The following B4GALNT3 variants were observed in gnomAD, a reference collection of about 807,000 sequenced individuals.
B4GALNT3 encodes the protein beta-1,4-N-acetylgalactosaminyltransferase 3.
B4GALNT3 carries 86 observed loss-of-function variants against 120.2 expected under a neutral mutation model. The ratio of observed to expected loss-of-function variants is 0.72; its 90% CI spans 0.60 to 0.86. The LOEUF (loss-of-function observed/expected upper bound fraction) is 0.86, where lower values mean the gene tolerates loss of function less well. B4GALNT3 is among the 40% of genes least tolerant of loss of function. The pLI, the probability that B4GALNT3 is intolerant of heterozygous loss-of-function variation, is 0.00. For synonymous variants in B4GALNT3, 518 were observed against 510.4 expected (o/e 1.01, Z -0.20); for missense variants, 1,167 against 1,298.9 (o/e 0.90, Z 1.56).
intron 1 of B4GALNT3, among the ~76,000 whole-genome samples, chr12:475,557 G>A (rs908903602): frequency 3.3e-5 from 5 of 152,040 alleles, no homozygotes; most frequent in African/African-American, 4.8e-5. Context: ...GGGCTCTGCC[G>A]CGCCTCCTCT....
chr12:500,995 T>TA (rs1946437130), intron 1 of B4GALNT3, among the ~76,000 whole-genome samples: 1 of 149,412 alleles, frequency 6.7e-6, no homozygotes, highest in Non-Finnish European at 1.5e-5. Flanking sequence ...AGCCTCAGCC[T>TA]CCTGCGTAGC....
chr12:556,777 T>G lies in B4GALNT3; in HGVS notation c.2291T>G (p.Val764Gly). The G allele has an allele frequency of 3.7e-6, 6 of 1,613,762 alleles. No homozygotes were observed. Among genetic ancestry groups the G allele is most frequent in the Non-Finnish European group, 5.1e-6 (6 of 1,180,006 alleles). Residue 764 changes from valine (V) to glycine (G), a missense_variant, in exon 15 of 20, where the codon GTC (valine) becomes GGC (glycine). Around this residue, in one of 3 missense-constraint regions of B4GALNT3, gnomAD observed 983 missense variants for 1,102.5 expected, o/e 0.89. Coordinates refer to ENST00000266383, the MANE Select transcript of B4GALNT3 (RefSeq NM_173593.4). ...VWDPHNRRRQ[V>G]LNTRAQEPKL... ...GACCCACACAACCGTAGGAGACAGG[T>G]CCTGAATACCCGGGCCCAAGAGCCC...
chr12:490,817 C>T (rs896876986), intron 1 of B4GALNT3, among the ~76,000 whole-genome samples: 2 of 151,904 alleles, frequency 1.3e-5, no homozygotes, highest in African/African-American at 4.8e-5. Flanking sequence ...CACAATCTGC[C>T]AAAACTCACA....
chr12:503,992 G>A (rs1380100071), intron 1 of B4GALNT3, among the ~76,000 whole-genome samples: 1 of 152,052 alleles, frequency 6.6e-6, no homozygotes, highest in African/African-American at 2.4e-5. Flanking sequence ...GCACGCGCCT[G>A]TAGTCCCAGC....
Position 551,439 on chromosome 12 carries a change from AG to A in B4GALNT3, c.1107+412del, listed in dbSNP as rs1947082060. On this transcript the variant is annotated intron_variant, in intron 11 of 19. Transcript: ENST00000266383. ...GGCACTGGGGGAAAAAGAGCTATGGAGGGGAAGTTAGCTTTAAAGAACCCAG... is the reference window on the plus strand; with the variant it reads ...GGCACTGGGGGAAAAAGAGCTATGGAGGGAAGTTAGCTTTAAAGAACCCAG... Among the ~76,000 whole-genome samples, 3 of 152,212 alleles carry A rather than the reference AG, an allele frequency of 2.0e-5. No homozygotes were observed. The South Asian group carries it at 6.2e-4, about 32-fold the overall frequency.
At chr12:488,085 T>C (rs1946307583) in intron 1 of B4GALNT3, among the ~76,000 whole-genome samples, 1 of 151,622 alleles carries the variant, frequency 6.6e-6, no homozygotes, top group Non-Finnish European at 1.5e-5. Flanking sequence ...ACGTATGTAA[T>C]CCTAGCACTT....
intron 14 of B4GALNT3, among the ~76,000 whole-genome samples, chr12:554,777 A>G (rs6489612): frequency 0.024 from 2,486 of 103,354 alleles, 114 homozygotes; most frequent in African/African-American, 0.063. Flanking sequence ...GCGACAGAGC[A>G]AGACTCCGTC....
At chr12:468,598 G>A (rs1946105575) in intron 1 of B4GALNT3, among the ~76,000 whole-genome samples, 3 of 152,106 alleles carry the variant, frequency 2.0e-5, no homozygotes, top group Admixed American at 2.0e-4. Context: ...GGTGTGTCAT[G>A]TGGGCACCCA....
chr12:481,552 G>T (rs1045492063), intron 1 of B4GALNT3, among the ~76,000 whole-genome samples: 5 of 152,222 alleles, frequency 3.3e-5, no homozygotes, highest in South Asian at 2.1e-4. Flanking sequence ...TCCTAACCCT[G>T]TGTTGTCCTG....
chr12:478,823 T>A (rs1224044300), intron 1 of B4GALNT3, among the ~76,000 whole-genome samples: 1 of 152,240 alleles, frequency 6.6e-6, no homozygotes, highest in Non-Finnish European at 1.5e-5. Flanking sequence ...ACCTTTCTCC[T>A]GGGAAGTCAC....
At chr12:524,565 T>C (rs1434713772) in intron 1 of B4GALNT3, among the ~76,000 whole-genome samples, 1 of 152,002 alleles carries the variant, frequency 6.6e-6, no homozygotes, top group Admixed American at 6.6e-5. Context: ...TACCTCTTTC[T>C]GCTTTCCTTG....
At position 556,624 on chromosome 12, in the gene B4GALNT3, T is replaced by C. The variant is rs146811557; in HGVS notation, c.2138T>C (p.Leu713Pro). The C allele has an allele frequency of 1.9e-6, 3 of 1,613,938 alleles. No homozygotes were observed. Among genetic ancestry groups the C allele is most frequent in the Non-Finnish European group, 2.5e-6 (3 of 1,180,044 alleles). The change falls in exon 15 of 20, where the codon CTT (leucine) becomes CCT (proline). Residue 713 changes from leucine (L) to proline (P), a missense_variant. Physicochemically the swap from Leu to Pro is moderately conservative, Grantham distance 98. Transcript: ENST00000266383. ...QLRGGRYLLE[L>P]ELLEQGQRVV... is the part of the protein sequence containing the mutation. The stretch of plus-strand genomic sequence containing the variant: ...CGTGGGGGTCGCTACCTCCTGGAGC[T>C]TGAACTGTTGGAACAAGGCCAGCGC...
intron 1 of B4GALNT3, among the ~76,000 whole-genome samples, chr12:519,557 T>C (rs2369282): frequency 0.91 from 137,435 of 151,040 alleles, 62,649 homozygotes; most frequent in East Asian, 1. Context: ...TTTCTCCTAG[T>C]ATTGGCTCCT....
At chr12:532,654 G>A (rs753940629) in intron 1 of B4GALNT3, among the ~76,000 whole-genome samples, 4 of 152,144 alleles carry the variant, frequency 2.6e-5, no homozygotes, top group African/African-American at 4.8e-5. Context: ...GTTAGGGGGC[G>A]GGGGGTTCTA....
chr12:474,921 C>G (rs1946169087), intron 1 of B4GALNT3, among the ~76,000 whole-genome samples: 1 of 132,532 alleles, frequency 7.5e-6, no homozygotes, highest in Non-Finnish European at 1.5e-5. Flanking sequence ...GCACTCCAGC[C>G]TGGGTGACAG....
intron 6 of B4GALNT3, 54 bp from the exon 7 acceptor site, chr12:546,592 C>G: frequency 6.7e-7 from 1 of 1,488,982 alleles, no homozygotes; most frequent in Non-Finnish European, 9.2e-7. Flanking sequence ...CACCGCCTCG[C>G]GTGCTTCCTG....
chr12:558,340 G>A (rs181488849), intron 17 of B4GALNT3, among the ~76,000 whole-genome samples, 168 bp from the exon 18 acceptor site: 12 of 152,300 alleles, frequency 7.9e-5, no homozygotes, highest in Admixed American at 5.2e-4. Context: ...TGATGGTTAA[G>A]ACCTGTGCTC....
At chr12:540,839 G>C (rs528320346) in intron 3 of B4GALNT3, among the ~76,000 whole-genome samples, 1 of 152,258 alleles carries the variant, frequency 6.6e-6, no homozygotes, top group Admixed American at 6.5e-5. Context: ...CGCCTTCCGG[G>C]TTCACACCAT....
chr12:461,603 C>G (rs1049279940), intron 1 of B4GALNT3, among the ~76,000 whole-genome samples: 1 of 152,218 alleles, frequency 6.6e-6, no homozygotes, highest in Non-Finnish European at 1.5e-5. Context: ...ACTTTCCTCC[C>G]GCTTTGGGGA....
Sources: allele counts gnomAD v4.1 joint callset (sites outside exome capture counted in the v4.1 genomes callset), GRCh38; gene constraint gnomAD v4.1.1; regional missense constraint gnomAD v4.1.1; transcripts MANE v1.5; gene names NCBI Gene and HGNC (gene_info 2026-07-23, HGNC 2026-07-21).